WDPCP: variants seen among roughly 807,000 people sequenced by gnomAD.
WDPCP encodes WD repeat-containing and planar cell polarity effector protein fritz homolog.
In WDPCP, 71 loss-of-function variants were observed where a neutral mutation model predicts 93.1. The ratio of observed to expected loss-of-function variants is 0.76; its 90% CI spans 0.63 to 0.93. The LOEUF (loss-of-function observed/expected upper bound fraction) is 0.93, where lower values mean the gene tolerates loss of function less well. Ranked by LOEUF, WDPCP falls within the 40% of genes least tolerant of loss-of-function variation. WDPCP has a pLI of 0.00. For missense variants in WDPCP, 844 were observed against 887.4 expected (o/e 0.95, Z 0.62); for synonymous variants, 315 against 315.0 (o/e 1.00, Z 0.00).
In WDPCP at chr2:63,292,627, A is replaced by T. The variant is rs555481249; in HGVS notation, c.1812+20621T>A. On this transcript the variant is annotated intron_variant, in intron 13 of 17. Coordinates refer to ENST00000272321, the MANE Select transcript of WDPCP (RefSeq NM_015910.7). Reference sequence around the variant, plus strand: ...CCATTAAGGACCCAAAGGGGACCACAATAAAGACTTCTGGGTCTCACCTCT... The same window carrying T: ...CCATTAAGGACCCAAAGGGGACCACTATAAAGACTTCTGGGTCTCACCTCT... 1.4e-4 allele frequency among the ~76,000 whole-genome samples: 21 copies of T among 152,274 alleles called. 1 individual carries two copies. The highest frequency in any genetic ancestry group is 4.6e-4 in the African/African-American group (19 of 41,550).
At chr2:63,626,798 C>T (rs1018156365) in intron 3 of WDPCP, among the ~76,000 whole-genome samples, 6 of 152,016 alleles carry the variant, frequency 3.9e-5, no homozygotes, top group Non-Finnish European at 4.4e-5. Flanking sequence ...ACCAGAAATA[C>T]AATACATCAC....
At chr2:63,629,739 G>A (rs1488439636) in intron 3 of WDPCP, among the ~76,000 whole-genome samples, 1 of 152,226 alleles carries the variant, frequency 6.6e-6, no homozygotes, top group African/African-American at 2.4e-5. Context: ...GGAGGTTGAG[G>A]GAGGGACCTA....
chr2:63,240,719 C>G (rs1389310158), intron 14 of WDPCP, among the ~76,000 whole-genome samples: 2 of 151,976 alleles, frequency 1.3e-5, no homozygotes, highest in Non-Finnish European at 2.9e-5. Context: ...TTATTCTGCC[C>G]CAGATTGGCA....
At chr2:63,314,401 C>A (rs1172603973) in intron 12 of WDPCP, among the ~76,000 whole-genome samples, 2 of 152,192 alleles carry the variant, frequency 1.3e-5, no homozygotes, top group African/African-American at 4.8e-5. Context: ...AATTCATGGG[C>A]TCAAGCAAAC....
chr2:63,333,040 G>A (rs1271731199), intron 12 of WDPCP, among the ~76,000 whole-genome samples: 2 of 151,998 alleles, frequency 1.3e-5, no homozygotes, highest in Non-Finnish European at 2.9e-5. Context: ...ATTTTATATT[G>A]GTATGAGAAC....
intron 12 of WDPCP, among the ~76,000 whole-genome samples, chr2:63,313,901 G>C (rs1238470049): frequency 4.9e-4 from 2 of 4,102 alleles, no homozygotes; most frequent in Non-Finnish European, 6.8e-4. Context: ...TTTTTTTTTG[G>C]AGATGGAGTC....
intron 3 of WDPCP, among the ~76,000 whole-genome samples, chr2:63,633,590 G>C (rs1384448551): frequency 6.6e-6 from 1 of 151,622 alleles, no homozygotes; most frequent in Non-Finnish European, 1.5e-5. Flanking sequence ...ATCTATAGTA[G>C]ACACACAAAA....
intron 14 of WDPCP, among the ~76,000 whole-genome samples, chr2:63,231,443 C>T (rs1194768785): frequency 1.3e-5 from 2 of 152,120 alleles, no homozygotes; most frequent in African/African-American, 4.8e-5. Context: ...ATCATCTCAG[C>T]CCAAAATCTC....
chr2:63,234,158 A>T (rs1318988905), intron 14 of WDPCP, among the ~76,000 whole-genome samples: 1 of 152,186 alleles, frequency 6.6e-6, no homozygotes, highest in African/African-American at 2.4e-5. Flanking sequence ...AAATCACAAT[A>T]CCTAGATTCT....
chr2:63,446,236 C>A (rs1455750826), intron 6 of WDPCP, among the ~76,000 whole-genome samples: 1 of 152,206 alleles, frequency 6.6e-6, no homozygotes, highest in Non-Finnish European at 1.5e-5. Context: ...CCGGGCCACA[C>A]AGCAGGAAGT....
In WDPCP at chr2:63,656,861, C is replaced by T. The variant is rs1710172591; in HGVS notation, n.309-6023G>A. 4.6e-5 allele frequency among the ~76,000 whole-genome samples: 7 copies of T among 151,644 alleles called. No homozygotes were observed. The South Asian group carries it at 1.5e-3, about 32-fold the overall frequency. On this transcript the variant is annotated intron_variant and non_coding_transcript_variant, in intron 2 of 4. Coordinates refer to the WDPCP transcript ENST00000467687. ...GGGGCTGAGGAATGAAAGGTGTCTG[C>T]CTTTTAAGACAAGAGTAGTCAGGAG...
At chr2:63,761,013 G>A (rs906644663) in intron 2 of WDPCP, among the ~76,000 whole-genome samples, 3 of 152,168 alleles carry the variant, frequency 2.0e-5, no homozygotes, top group African/African-American at 7.2e-5. Flanking sequence ...GGGAGGTGAA[G>A]GCTCCCTCTT....
chr2:63,156,285 G>A (rs1364252611), intron 15 of WDPCP, among the ~76,000 whole-genome samples: 1 of 151,888 alleles, frequency 6.6e-6, no homozygotes, highest in East Asian at 1.9e-4. Flanking sequence ...TTACAAGCAT[G>A]AGCCACCATG....
chr2:63,376,782 G>T (rs1691886975), intron 12 of WDPCP, among the ~76,000 whole-genome samples: 1 of 151,896 alleles, frequency 6.6e-6, no homozygotes. Flanking sequence ...ATGTCATTCA[G>T]ATGAAAAGGC....
At chr2:63,565,565 T>C (rs1007785346) in intron 1 of WDPCP, among the ~76,000 whole-genome samples, 125 of 152,320 alleles carry the variant, frequency 8.2e-4, no homozygotes, top group African/African-American at 2.9e-3. Context: ...TTCTGAATCA[T>C]TGTATCTTAC....
intron 2 of WDPCP, among the ~76,000 whole-genome samples, chr2:63,489,814 T>G (rs913995702): frequency 2.6e-5 from 4 of 151,944 alleles, no homozygotes; most frequent in African/African-American, 9.7e-5. Flanking sequence ...ATTTAAAGCA[T>G]GAGGAACAGG....
At chr2:63,206,653 A>G (rs1676358239) in intron 14 of WDPCP, among the ~76,000 whole-genome samples, 1 of 151,974 alleles carries the variant, frequency 6.6e-6, no homozygotes, top group Admixed American at 6.6e-5. Flanking sequence ...GAGTTTTGCC[A>G]TGTTGCGCAG....
At chr2:63,834,593 G>C in the WDPCP span, among the ~76,000 whole-genome samples, 1 of 152,226 alleles carries the variant, frequency 6.6e-6, no homozygotes, top group Non-Finnish European at 1.5e-5. Context: ...CAGTCCAGCT[G>C]CTAGCAGCAT....
At chr2:63,178,690 G>A (rs1405522261) in intron 14 of WDPCP, among the ~76,000 whole-genome samples, 1 of 151,306 alleles carries the variant, frequency 6.6e-6, no homozygotes, top group African/African-American at 2.4e-5. Flanking sequence ...TATTGCTTTT[G>A]TATTCTGTAT....
Sources: allele counts gnomAD v4.1 joint callset (sites outside exome capture counted in the v4.1 genomes callset), GRCh38; gene constraint gnomAD v4.1.1; transcripts MANE v1.5; gene names NCBI Gene and HGNC (gene_info 2026-07-23, HGNC 2026-07-21).